HNRNPL: variants seen among roughly 807,000 people sequenced by gnomAD.
The protein encoded by HNRNPL is heterogeneous nuclear ribonucleoprotein L, also known as epididymis secretory sperm binding protein.
Under a neutral mutation model 64.0 loss-of-function variants are expected in HNRNPL, and 12 were observed. The ratio of observed to expected loss-of-function variants is 0.19; its 90% CI spans 0.12 to 0.30. The LOEUF is 0.30. Ranked by LOEUF, HNRNPL falls within the 10% of genes least tolerant of loss-of-function variation. The pLI, the probability that HNRNPL is intolerant of heterozygous loss-of-function variation, is 1.00. For synonymous variants in HNRNPL, 385 were observed against 313.0 expected, an observed-to-expected ratio of 1.23 and a Z score of -2.43; for missense variants, 484 against 797.4, an observed-to-expected ratio of 0.61 and a Z score of 4.73.
chr19:38,844,079 G>A lies in HNRNPL; in HGVS notation c.736C>T (p.Arg246Trp), dbSNP rs1409823211. 1 of 1,613,138 alleles carries A rather than the reference G, an allele frequency of 6.2e-7. No homozygotes were observed. Among genetic ancestry groups the A allele is most frequent in the Non-Finnish European group, 8.5e-7 (1 of 1,179,094 alleles). Residue 246 changes from arginine to tryptophan, a missense_variant, in exon 5 of 13, where the codon CGG becomes TGG. Around this residue, in one of 9 missense-constraint regions of HNRNPL, gnomAD observed 60 missense variants for 192.2 expected, o/e 0.31. Transcript: ENST00000221419. Reference protein sequence around the residue: ...VEFDSVQSAQRAKASLNGADI... With the variant: ...VEFDSVQSAQWAKASLNGADI... Reference sequence around the variant, plus strand: ...GCCCCATTGAGAGAGGCCTTGGCCCGCTGGGCACTTTGAACTGAGTCAAAT... The same window carrying A: ...GCCCCATTGAGAGAGGCCTTGGCCCACTGGGCACTTTGAACTGAGTCAAAT...
chr19:38,838,475 C>T lies in HNRNPL; in HGVS notation c.1479G>A (p.Lys493=), dbSNP rs1181661384. ...CGTTGCTGGGGTGCTGGATGCGGTT[C>T]TTGGCTGCCTGCTCTGGGGTGGAGA... ...NRFSTPEQAA[K]NRIQHPSNVL... Residue 493 remains lysine (K), a synonymous_variant, in exon 10 of 13, where the codon AAG becomes AAA. Coordinates refer to ENST00000221419, the MANE Select transcript of HNRNPL (RefSeq NM_001533.3). The T allele has an allele frequency of 2.5e-6, 4 of 1,614,158 alleles. No homozygotes were observed. In the South Asian group the frequency reaches 4.4e-5, roughly 18 times the overall value.
chr19:38,837,094 G>T (rs1971954335), intron 12 of HNRNPL: 2 of 549,674 alleles, frequency 3.6e-6, no homozygotes. Flanking sequence ...TAACAGAGTG[G>T]CTTTCCTACC....
At chr19:38,849,605 T>A in intron 1 of HNRNPL, 95 bp downstream of exon 1, 1 of 1,275,660 alleles carries the variant, frequency 7.8e-7, no homozygotes, top group Non-Finnish European at 9.9e-7. Context: ...CCTGGGCGCG[T>A]GCGCAGAGGC....
At chr19:38,848,014 T>A (rs558637774) in intron 1 of HNRNPL, among the ~76,000 whole-genome samples, 1 of 152,266 alleles carries the variant, frequency 6.6e-6, no homozygotes, top group East Asian at 1.9e-4. Flanking sequence ...CCCCTTCTAG[T>A]CTTGAATCGC....
chr19:38,845,804 G>C lies in HNRNPL; in HGVS notation c.624+49C>G, dbSNP rs540461465. On this transcript the variant is annotated intron_variant, in intron 3 of 12. Transcript: ENST00000221419. ...CAGTCTGGCTTGGGGGAGGGAATAA[G>C]GGGAGAAAAGGAAGGGAGACCTCAC... 9 of 1,595,922 alleles carry C rather than the reference G, an allele frequency of 5.6e-6. No individual in the cohort carries two copies. In the East Asian group the frequency reaches 1.3e-4, roughly 24 times the overall value.
intron 4 of HNRNPL, 83 bp from the exon 5 acceptor site, chr19:38,844,187 T>C (rs1374834409): frequency 1.0e-5 from 9 of 891,842 alleles, no homozygotes; most frequent in South Asian, 4.1e-5. Context: ...AAGGACAAGG[T>C]AGCACCCCAA....
At chr19:38,838,367 C>T (rs1276625953) in intron 10 of HNRNPL, 30 bp downstream of exon 10, 8 of 1,585,054 alleles carry the variant, frequency 5.0e-6, no homozygotes, top group South Asian at 1.1e-5. Context: ...GGCAAGGACC[C>T]GACTGCCTGC....
intron 10 of HNRNPL, among the ~76,000 whole-genome samples, chr19:38,838,060 G>A (rs184806593): frequency 7.2e-4 from 110 of 152,376 alleles, no homozygotes; most frequent in Non-Finnish European, 1.9e-4. Context: ...GATGGCACCC[G>A]AAGCCTACGC....
chr19:38,849,732 C>T lies in HNRNPL; in HGVS notation c.235G>A (p.Gly79Arg). The change falls in exon 1 of 13, where the codon GGA (glycine) becomes AGA (arginine). Residue 79 changes from glycine (G) to arginine (R), a missense_variant. This residue lies in a region of HNRNPL where 190 missense variants were observed against 160.1 expected (regional missense o/e 1.19). Transcript: ENST00000221419. Reference protein sequence around the residue: ...QHGGGGGGGGGAGAAGGGGGG... With the variant: ...QHGGGGGGGGRAGAAGGGGGG... ...CCGCCGCCGCCCGCCGCCCCGGCTC[C>T]TCCACCGCCACCGCCGCCGCCTCCG... 2 of 1,390,414 alleles carry T rather than the reference C, an allele frequency of 1.4e-6. No homozygotes were observed. The highest frequency in any genetic ancestry group is 1.9e-6 in the Non-Finnish European group (2 of 1,077,150). 86.1% of individuals were successfully genotyped at this position (1,390,414 alleles called of 1,614,324 possible).
chr19:38,843,133 T>C (rs1972170259), intron 6 of HNRNPL, among the ~76,000 whole-genome samples: 1 of 152,124 alleles, frequency 6.6e-6, no homozygotes, highest in South Asian at 2.1e-4. Flanking sequence ...CCTCAGCCCA[T>C]GGCCTGGTCC....
At chr19:38,850,581 AC>A (rs1568377604), upstream of HNRNPL, among the ~76,000 whole-genome samples, 1 of 152,204 alleles carries the variant, frequency 6.6e-6, no homozygotes, top group Non-Finnish European at 1.5e-5. Flanking sequence ...GGTGCAGTAT[AC>A]GAAACGAGCG....
chr19:38,842,585 G>A (rs566223741), intron 6 of HNRNPL, among the ~76,000 whole-genome samples: 2 of 152,108 alleles, frequency 1.3e-5, no homozygotes, highest in African/African-American at 2.4e-5. Flanking sequence ...TTCTGGGGAC[G>A]TGGTGGAGGC....
At chr19:38,839,144 G>GA in intron 8 of HNRNPL, 129 bp from the exon 9 acceptor site, 1 of 1,175,058 alleles carries the variant, frequency 8.5e-7, no homozygotes, top group Non-Finnish European at 1.2e-6. Context: ...GGGACCACTA[G>GA]AAAAACATGC....
chr19:38,848,562 T>A (rs1362959646), intron 1 of HNRNPL, among the ~76,000 whole-genome samples: 1 of 152,194 alleles, frequency 6.6e-6, no homozygotes, highest in Non-Finnish European at 1.5e-5. Flanking sequence ...TGTCTGAGAA[T>A]CACTGGGCAG....
At chr19:38,837,738 G>A (rs1568366461) in intron 10 of HNRNPL, 87 bp from the exon 11 acceptor site, 2 of 1,136,844 alleles carry the variant, frequency 1.8e-6, no homozygotes, top group Admixed American at 4.1e-5. Flanking sequence ...GCATGACTCA[G>A]TACTTGAAGT....
At chr19:38,847,241 C>G (rs1006819556) in intron 2 of HNRNPL, 75 bp downstream of exon 2, 4 of 672,204 alleles carry the variant, frequency 6.0e-6, no homozygotes, top group African/African-American at 3.7e-5. Flanking sequence ...CTATTTCCAA[C>G]CAGAAATCGT....
chr19:38,844,815 G>T (rs13346505), intron 4 of HNRNPL: 7,242 of 151,308 alleles, frequency 0.048, 506 homozygotes, highest in African/African-American at 0.15. Context: ...AGGCTCAAGC[G>T]ATTCTCCTGC....
intron 12 of HNRNPL, chr19:38,837,171 A>G (rs576451705): frequency 4.6e-5 from 27 of 591,104 alleles, no homozygotes; most frequent in Middle Eastern, 4.5e-4. Context: ...GCAACTCCCA[A>G]GCTGGCAGAG....
In HNRNPL at chr19:38,846,206, A is replaced by G. The variant is rs1972289301; in HGVS notation, c.387-116T>C. 5.0e-6 allele frequency: 4 copies of G among 806,194 alleles called. No individual in the cohort carries two copies. In the Admixed American group the frequency reaches 5.5e-5, roughly 11 times the overall value. 49.9% of individuals were successfully genotyped at this position (806,194 alleles called of 1,614,324 possible). A position where few individuals can be genotyped will look rare whatever the true frequency, so the allele number is the denominator to read the frequency against. On this transcript the variant is annotated intron_variant, in intron 2 of 12. Coordinates refer to ENST00000221419, the MANE Select transcript of HNRNPL (RefSeq NM_001533.3). ...GGCCTCTGAACTCCTCTGCAACCCT[A>G]TCATGGTTCCCCGACCTGAACACCC...
Sources: allele counts gnomAD v4.1 joint callset (sites outside exome capture counted in the v4.1 genomes callset), GRCh38; gene constraint gnomAD v4.1.1; regional missense constraint gnomAD v4.1.1; transcripts MANE v1.5; gene names NCBI Gene and HGNC (gene_info 2026-07-23, HGNC 2026-07-21).